Variants in ADAMTS19 observed in about 807,000 individuals in gnomAD.
ADAMTS19 encodes ADAM metallopeptidase with thrombospondin type 1 motif 19.
In ADAMTS19, 93 loss-of-function variants were observed where a neutral mutation model predicts 153.3. The observed-to-expected ratio is 0.61, with a 90% confidence interval of 0.51 to 0.72. The LOEUF (loss-of-function observed/expected upper bound fraction) is 0.72. ADAMTS19 is among the 30% of genes least tolerant of loss of function. The pLI, the probability that ADAMTS19 is intolerant of heterozygous loss-of-function variation, is 0.00. For missense variants in ADAMTS19, 1,482 were observed against 1,552.1 expected, an observed-to-expected ratio of 0.95 and a Z score of 0.76; for synonymous variants, 600 against 556.6, an observed-to-expected ratio of 1.08 and a Z score of -1.10.
At chr5:129,522,194 T>G (rs13163523) in intron 3 of ADAMTS19, among the ~76,000 whole-genome samples, 3 of 147,216 alleles carry the variant, frequency 2.0e-5, no homozygotes, top group East Asian at 4.0e-4. Context: ...TGAAAAAAAA[T>G]ATATATATAT....
intron 2 of ADAMTS19, among the ~76,000 whole-genome samples, chr5:129,474,222 C>T (rs375779068): frequency 2.3e-4 from 35 of 152,174 alleles, no homozygotes; most frequent in East Asian, 9.7e-4. Flanking sequence ...TGTGGTAGCA[C>T]GTATCAGTAG....
intron 17 of ADAMTS19, 117 bp from the exon 18 acceptor site, chr5:129,684,003 C>A (rs376649911): frequency 5.5e-5 from 63 of 1,146,054 alleles, no homozygotes; most frequent in East Asian, 5.5e-4. Context: ...GCAACAACAA[C>A]AACAAAATGC....
At chr5:129,463,047 T>C (rs568507880) in intron 2 of ADAMTS19, among the ~76,000 whole-genome samples, 2 of 152,314 alleles carry the variant, frequency 1.3e-5, no homozygotes, top group East Asian at 3.9e-4. Flanking sequence ...TTAGGCATAA[T>C]TGAAAAAAAT....
chr5:129,465,400 C>G (rs1749822709), intron 2 of ADAMTS19, among the ~76,000 whole-genome samples: 1 of 142,394 alleles, frequency 7.0e-6, no homozygotes, highest in African/African-American at 2.7e-5. Context: ...TTTTAATGGA[C>G]TATTGACATG....
intron 13 of ADAMTS19, among the ~76,000 whole-genome samples, chr5:129,649,358 T>A (rs1025076950): frequency 2.6e-5 from 4 of 152,186 alleles, no homozygotes; most frequent in Non-Finnish European, 5.9e-5. Flanking sequence ...TCCTGAGTGA[T>A]GGAATACTCC....
chr5:129,522,172 G>T (rs1751828812), intron 3 of ADAMTS19, among the ~76,000 whole-genome samples: 1 of 149,164 alleles, frequency 6.7e-6, no homozygotes, highest in Non-Finnish European at 1.5e-5. Context: ...TATCCATCTA[G>T]AAAGGTGATG....
chr5:129,589,203 TACTATC>T (rs1215752789), intron 7 of ADAMTS19, among the ~76,000 whole-genome samples: 2 of 151,188 alleles, frequency 1.3e-5, no homozygotes, highest in Non-Finnish European at 2.9e-5. Flanking sequence ...ACATTATTAT[TACTATC>T]ACTGTTTTTT....
chr5:129,649,769 G>A lies in ADAMTS19; in HGVS notation c.2176+799G>A, dbSNP rs148828923. Among the ~76,000 whole-genome samples, 142 of 152,214 alleles carry A rather than the reference G, an allele frequency of 9.3e-4. 3 individuals carry two copies. The East Asian group carries it at 0.023, about 25-fold the overall frequency. On this transcript the variant is annotated intron_variant, in intron 13 of 22. Coordinates refer to ENST00000274487, the MANE Select transcript of ADAMTS19 (RefSeq NM_133638.6). ...TATAGTTGCTCAGGTATAACCATGG[G>A]GAGAAACTGAATGAAAGGTAGGTGG...
chr5:129,553,867 A>G (rs2126827545), intron 7 of ADAMTS19, among the ~76,000 whole-genome samples: 1 of 152,260 alleles, frequency 6.6e-6, no homozygotes, highest in Admixed American at 6.5e-5. Context: ...ACCTATGCCT[A>G]TGTCTGGAGT....
Position 129,665,565 on chromosome 5 carries a change from C to A in ADAMTS19, c.2492C>A (p.Ala831Glu). 6.2e-7 allele frequency: 1 copy of A among 1,609,822 alleles called. No individual in the cohort carries two copies. The highest frequency in any genetic ancestry group is 8.5e-7 in the Non-Finnish European group (1 of 1,177,260). ...ATCAAAGTTGTGGAGGAAAAGCCGG[C>A]ACATAGCTATTTAGGTAACCTGTGT... ...RRIKVVEEKP[A>E]HSYLALRDAG... Residue 831 changes from alanine (A) to glutamate (E), a missense_variant, in exon 16 of 23, where the codon GCA (alanine) becomes GAA (glutamate). Physicochemically the swap from Ala to Glu is moderately radical, Grantham distance 107. Around this residue, in one of 2 missense-constraint regions of ADAMTS19, gnomAD observed 616 missense variants for 724.4 expected, o/e 0.85. Transcript: ENST00000274487.
At chr5:129,552,223 A>G (rs1320898053) in intron 7 of ADAMTS19, among the ~76,000 whole-genome samples, 2 of 151,854 alleles carry the variant, frequency 1.3e-5, no homozygotes, top group Non-Finnish European at 2.9e-5. Context: ...AAAATATATT[A>G]ATGACATTAT....
chr5:129,709,800 A>G (rs1485425943), intron 21 of ADAMTS19, among the ~76,000 whole-genome samples: 1 of 152,184 alleles, frequency 6.6e-6, no homozygotes, highest in Non-Finnish European at 1.5e-5. Flanking sequence ...AGCAGTCAAT[A>G]CAAGTGACTT....
In ADAMTS19 at chr5:129,527,795, T is replaced by C. The variant is rs771487561; in HGVS notation, c.1134T>C (p.Leu378=). ...QHKSLSVQVN[L]RVIKLILLHE... ...AGAGTCTGAGTGTGCAGGTCAATCT[T>C]CGTGTGATAAAGCTTATTCTGCTCC... is the stretch of plus-strand genomic sequence containing the variant. The change falls in exon 5 of 23, where the codon CTT becomes CTC. Residue 378 remains leucine, a synonymous_variant. Coordinates refer to ENST00000274487, the MANE Select transcript of ADAMTS19 (RefSeq NM_133638.6). 1 of 1,602,670 alleles carries C rather than the reference T, an allele frequency of 6.2e-7. No homozygotes were observed. Among genetic ancestry groups the C allele is most frequent in the Non-Finnish European group, 8.5e-7 (1 of 1,172,052 alleles).
intron 10 of ADAMTS19, among the ~76,000 whole-genome samples, chr5:129,638,238 G>T (rs1420430173): frequency 6.6e-6 from 1 of 152,108 alleles, no homozygotes; most frequent in Non-Finnish European, 1.5e-5. Flanking sequence ...TTTGTGGGAA[G>T]ATTTTTAACA....
chr5:129,650,354 T>A (rs567185970), intron 13 of ADAMTS19, among the ~76,000 whole-genome samples: 1 of 152,254 alleles, frequency 6.6e-6, no homozygotes, highest in African/African-American at 2.4e-5. Flanking sequence ...CTCTTCTCAA[T>A]AACCTAAACT....
At chr5:129,504,936 A>G (rs980870669) in intron 2 of ADAMTS19, among the ~76,000 whole-genome samples, 48 of 151,892 alleles carry the variant, frequency 3.2e-4, no homozygotes, top group Non-Finnish European at 5.3e-4. Context: ...GTTAATGGAC[A>G]CTTAGGTTGA....
chr5:129,671,348 C>G (rs1344318310), intron 16 of ADAMTS19, among the ~76,000 whole-genome samples: 1 of 152,072 alleles, frequency 6.6e-6, no homozygotes, highest in East Asian at 1.9e-4. Context: ...GTAATAGTAA[C>G]ACCAATGTAG....
chr5:129,460,456 G>A lies in ADAMTS19; in HGVS notation c.65G>A (p.Gly22Glu). The A allele has an allele frequency of 9.9e-6, 16 of 1,614,182 alleles. No individual in the cohort carries two copies. The highest frequency in any genetic ancestry group is 1.4e-5 in the Non-Finnish European group (16 of 1,180,026). The change falls in exon 1 of 23, where the codon GGG becomes GAG. Residue 22 changes from glycine (G) to glutamate (E), a missense_variant. This residue lies in a region of ADAMTS19 where 866 missense variants were observed against 827.7 expected (regional missense o/e 1.05). Transcript: ENST00000274487. ...TGCTGCTGCCTCCTTTACCAGCTGG[G>A]GTTCCTGTCGAATGGGATCGTTTCA... The part of the protein sequence containing the change: ...ICCCCLLYQL[G>E]FLSNGIVSEL...
intron 7 of ADAMTS19, among the ~76,000 whole-genome samples, chr5:129,575,746 T>C (rs1251616521): frequency 3.3e-5 from 5 of 152,102 alleles, no homozygotes; most frequent in Non-Finnish European, 7.4e-5. Context: ...GTCATAAACA[T>C]TATATTTTCC....
Sources: allele counts gnomAD v4.1 joint callset (sites outside exome capture counted in the v4.1 genomes callset), GRCh38; gene constraint gnomAD v4.1.1; regional missense constraint gnomAD v4.1.1; transcripts MANE v1.5; gene names NCBI Gene and HGNC (gene_info 2026-07-23, HGNC 2026-07-21).